Variants in DNAAF11 observed in about 807,000 individuals in gnomAD.
DNAAF11 encodes the protein leucine rich repeat containing 6.
A neutral mutation model predicts 60.8 loss-of-function variants in DNAAF11; 45 were observed. That is an observed-to-expected ratio of 0.74 (90% CI 0.58 to 0.95). DNAAF11 has a LOEUF of 0.95. Ranked by LOEUF, DNAAF11 falls within the 40% of genes least tolerant of loss-of-function variation. The pLI is 0.00. For missense variants in DNAAF11, 546 were observed against 546.2 expected, an observed-to-expected ratio of 1.00 and a Z score of 0.00; for synonymous variants, 191 against 183.5, an observed-to-expected ratio of 1.04 and a Z score of -0.33.
chr8:132,698,874 A>T, the DNAAF11 span, among the ~76,000 whole-genome samples: 32 of 151,694 alleles, frequency 2.1e-4, no homozygotes, highest in African/African-American at 7.3e-4. Flanking sequence ...TGAAGTCAGG[A>T]GTTCAAGGCC....
chr8:132,573,054 G>C (rs1269889686), intron 11 of DNAAF11, among the ~76,000 whole-genome samples: 1 of 151,298 alleles, frequency 6.6e-6, no homozygotes, highest in Non-Finnish European at 1.5e-5. Flanking sequence ...CAGAAGAAGG[G>C]GGCACCTCGG....
rs1239868229 is a variant in DNAAF11 at position 132,675,475 on chromosome 8, G to C, written c.10+9C>G. On this transcript the variant is annotated intron_variant, in intron 1 of 11. Coordinates refer to ENST00000620350, the MANE Select transcript of DNAAF11 (RefSeq NM_012472.6). ...AACGATCGAGGACGGAAGGTGGAGGGGGGCTTACTCCAGCCCATGGCGCCT... is the reference window on the plus strand; with the variant it reads ...AACGATCGAGGACGGAAGGTGGAGGCGGGCTTACTCCAGCCCATGGCGCCT... 1.3e-6 allele frequency: 2 copies of C among 1,566,234 alleles called. No homozygotes were observed. Among genetic ancestry groups the C allele is most frequent in the African/African-American group, 2.8e-5 (2 of 72,276 alleles).
the DNAAF11 span, among the ~76,000 whole-genome samples, chr8:132,690,734 T>C: frequency 1.3e-5 from 2 of 152,212 alleles, no homozygotes; most frequent in South Asian, 2.1e-4. Context: ...CTCAGGCTCC[T>C]CTTGTTTTTG....
intron 3 of DNAAF11, among the ~76,000 whole-genome samples, chr8:132,653,354 T>C (rs1363367475): frequency 6.6e-6 from 1 of 152,136 alleles, no homozygotes; most frequent in Non-Finnish European, 1.5e-5. Context: ...AATGAGAGTT[T>C]TTCACTAACA....
chr8:132,692,143 T>C, the DNAAF11 span, among the ~76,000 whole-genome samples: 1 of 151,562 alleles, frequency 6.6e-6, no homozygotes, highest in Non-Finnish European at 1.5e-5. Flanking sequence ...TGATACTGTT[T>C]TACGGAAGTA....
chr8:132,680,692 C>T, the DNAAF11 span, among the ~76,000 whole-genome samples: 1 of 151,950 alleles, frequency 6.6e-6, no homozygotes, highest in South Asian at 2.1e-4. Context: ...ATCCCTTTTT[C>T]CTTACCCCTT....
At chr8:132,684,695 CT>C in the DNAAF11 span, among the ~76,000 whole-genome samples, 1 of 152,226 alleles carries the variant, frequency 6.6e-6, no homozygotes, top group Non-Finnish European at 1.5e-5. Context: ...AAAGGCCAGT[CT>C]TTCTCTTTGG....
intron 1 of DNAAF11, 151 bp downstream of exon 1, chr8:132,675,333 C>G: frequency 1.3e-6 from 1 of 746,070 alleles, no homozygotes; most frequent in South Asian, 2.1e-5. Flanking sequence ...GCAGCCGGGG[C>G]TGCGGTGCGG....
rs567206579 is a variant in DNAAF11 at position 132,584,233 on chromosome 8, G to A, written c.1141-454C>T. Among the ~76,000 whole-genome samples the A allele has an allele frequency of 4.7e-4, 72 of 152,142 alleles. No homozygotes were observed. The South Asian group carries it at 6.8e-3, about 14-fold the overall frequency. On this transcript the variant is annotated intron_variant, in intron 10 of 11. Transcript: ENST00000620350. Reference sequence around the variant, plus strand: ...TCTTCCTCTGCAAAATGAAGGAATCGGTTTATGATCTGAAAGGCCCCTTTT... The same window carrying A: ...TCTTCCTCTGCAAAATGAAGGAATCAGTTTATGATCTGAAAGGCCCCTTTT...
chr8:132,611,307 A>T lies in DNAAF11; in HGVS notation c.1031T>A (p.Met344Lys). 6.2e-7 allele frequency: 1 copy of T among 1,611,862 alleles called. No individual in the cohort carries two copies. Among genetic ancestry groups the T allele is most frequent in the Non-Finnish European group, 8.5e-7 (1 of 1,178,092 alleles). ...GGTTCTACTTACCTTTCCTTTGATC[A>T]TTACTCGCACGTAAGTTGGTTGCAC... ...VDVQPTYVRV[M>K]IKGKPFQLVL... The change falls in exon 9 of 12, where the codon ATG (methionine) becomes AAG (lysine). Residue 344 changes from methionine to lysine, a missense_variant. Coordinates refer to ENST00000620350, the MANE Select transcript of DNAAF11 (RefSeq NM_012472.6).
At chr8:132,702,455 C>T in the DNAAF11 span, among the ~76,000 whole-genome samples, 393 of 152,200 alleles carry the variant, frequency 2.6e-3, 2 homozygotes, top group African/African-American at 8.2e-3. Flanking sequence ...TTAACACGGC[C>T]GCAGCTAAGC....
chr8:132,680,981 G>C, the DNAAF11 span, among the ~76,000 whole-genome samples: 37,912 of 118,700 alleles, frequency 0.32, 8,332 homozygotes, highest in African/African-American at 0.66. Flanking sequence ...ACCGCAATTA[G>C]TTTTGCACCC....
the DNAAF11 span, among the ~76,000 whole-genome samples, chr8:132,688,570 G>A: frequency 6.6e-6 from 1 of 152,144 alleles, no homozygotes; most frequent in Non-Finnish European, 1.5e-5. Flanking sequence ...CAACCAATGA[G>A]GGTCAAACCT....
chr8:132,596,925 G>C (rs1227053635), intron 10 of DNAAF11, among the ~76,000 whole-genome samples: 2 of 152,132 alleles, frequency 1.3e-5, no homozygotes, highest in African/African-American at 4.8e-5. Flanking sequence ...GCTTCTCCCA[G>C]TTGTCTTGAA....
chr8:132,622,003 G>T (rs1819811663), intron 7 of DNAAF11, among the ~76,000 whole-genome samples: 1 of 152,192 alleles, frequency 6.6e-6, no homozygotes, highest in Non-Finnish European at 1.5e-5. Context: ...AAGTGAATGA[G>T]ATTTAGTCTG....
intron 1 of DNAAF11, among the ~76,000 whole-genome samples, chr8:132,672,908 C>T (rs1028048598): frequency 2.6e-5 from 4 of 152,142 alleles, no homozygotes; most frequent in African/African-American, 9.7e-5. Context: ...TGAACAGGTA[C>T]ACTAGATGAA....
chr8:132,687,328 C>A, the DNAAF11 span: 1 of 189,486 alleles, frequency 5.3e-6, no homozygotes, highest in Non-Finnish European at 1.1e-5. Context: ...CACTTTGTGC[C>A]AGGCACTCTT....
intron 11 of DNAAF11, chr8:132,578,478 G>C: frequency 1.3e-6 from 2 of 1,534,952 alleles, no homozygotes; most frequent in Non-Finnish European, 1.7e-6. Flanking sequence ...CCCACGACCT[G>C]ACTGTCAGAA....
At chr8:132,661,395 C>A in intron 2 of DNAAF11, 65 bp downstream of exon 2, 5 of 1,310,346 alleles carry the variant, frequency 3.8e-6, no homozygotes, top group Non-Finnish European at 5.3e-6. Flanking sequence ...AATAACACAG[C>A]ACTTTCCAAA....
Sources: gnomAD v4.1 joint callset for allele counts (sites outside exome capture counted in the v4.1 genomes callset) on GRCh38, gnomAD v4.1.1 for gene constraint, MANE v1.5 for transcripts, NCBI Gene and HGNC (gene_info 2026-07-23, HGNC 2026-07-21) for gene names.